The following RANBP2 variants were observed in gnomAD, a reference collection of about 807,000 sequenced individuals.
RANBP2 encodes RAN binding protein 2.
In RANBP2, 57 loss-of-function variants were observed where a neutral mutation model predicts 303.6. The observed-to-expected ratio is 0.19, with a 90% CI of 0.15 to 0.23. The LOEUF (loss-of-function observed/expected upper bound fraction) is 0.23. Among genes scored for constraint, RANBP2 ranks in the 10% least tolerant of loss-of-function variants. The pLI, the probability that RANBP2 is intolerant of heterozygous loss-of-function variation, is 1.00. For synonymous variants in RANBP2, 1,167 were observed against 1,301.5 expected (o/e 0.90, Z 2.23); for missense variants, 3,138 against 3,780.8 (o/e 0.83, Z 4.46).
At chr2:109,598,499 A>G in the RANBP2 span, among the ~76,000 whole-genome samples, 2 of 152,174 alleles carry the variant, frequency 1.3e-5, no homozygotes, top group African/African-American at 4.8e-5. Flanking sequence ...TCTTTAGGAT[A>G]ATGTGAGCGA....
the RANBP2 span, among the ~76,000 whole-genome samples, chr2:108,863,952 AATC>A: frequency 6.6e-6 from 1 of 152,184 alleles, no homozygotes; most frequent in South Asian, 2.1e-4. Context: ...AAAGTTACAT[AATC>A]ACTTTAATGA....
chr2:109,315,662 A>G, the RANBP2 span, among the ~76,000 whole-genome samples: 1 of 152,240 alleles, frequency 6.6e-6, no homozygotes, highest in Non-Finnish European at 1.5e-5. Flanking sequence ...CTTTCCTGGC[A>G]GTCTATAAAG....
Position 108,719,759 on chromosome 2 carries a change from C to G in RANBP2, c.72+81C>G, listed in dbSNP as rs1340477490. 1.7e-5 allele frequency: 26 copies of G among 1,541,438 alleles called. No homozygotes were observed. In the South Asian group the frequency reaches 1.9e-4, roughly 11 times the overall value. ...GCTGCTCAGGCGTCATGGCTCCCGA[C>G]GGGCGCTGCTCCCTGGCGCGCTCTG... is the stretch of plus-strand genomic sequence containing the variant. On this transcript the variant is annotated intron_variant, in intron 1 of 28. Transcript: ENST00000283195.
At chr2:109,020,045 T>C in the RANBP2 span, among the ~76,000 whole-genome samples, 3 of 152,194 alleles carry the variant, frequency 2.0e-5, no homozygotes, top group East Asian at 5.8e-4. Context: ...ACAACTCTGT[T>C]TGAACAGGTA....
chr2:109,038,992 A>T, the RANBP2 span, among the ~76,000 whole-genome samples: 46 of 152,352 alleles, frequency 3.0e-4, no homozygotes, highest in Admixed American at 1.9e-3. Context: ...GTTTGGTCAA[A>T]CACTAGTCCA....
chr2:108,777,083 A>G (rs1327212689), intron 24 of RANBP2, 47 bp from the exon 25 acceptor site: 5 of 1,543,992 alleles, frequency 3.2e-6, no homozygotes, highest in Admixed American at 1.7e-5. Context: ...AAGCTTTGAT[A>G]TTCAGCACAA....
the RANBP2 span, among the ~76,000 whole-genome samples, chr2:109,529,450 G>A: frequency 1.3e-5 from 2 of 152,114 alleles, no homozygotes; most frequent in African/African-American, 2.4e-5. Context: ...GGAGAAGCTC[G>A]GAGCCCAGCC....
the RANBP2 span, among the ~76,000 whole-genome samples, chr2:108,913,766 C>G: frequency 6.6e-6 from 1 of 151,812 alleles, no homozygotes; most frequent in Non-Finnish European, 1.5e-5. Context: ...CTGGCTAACA[C>G]AGGGAAACCC....
At position 108,781,269 on chromosome 2, in the gene RANBP2, A is replaced by G; in HGVS notation, c.8600A>G (p.Asp2867Gly). Residue 2867 changes from aspartate (D) to glycine (G), a missense_variant and splice_region_variant, in exon 26 of 29, where the codon GAT becomes GGT. Physicochemically the swap from Asp to Gly is moderately conservative, Grantham distance 94 (BLOSUM62 -1). Around this residue, in one of 20 missense-constraint regions of RANBP2, gnomAD observed 497 missense variants for 465.8 expected, o/e 1.07. Transcript: ENST00000283195. Reference protein sequence around the residue: ...NSGDFAFGSKDKNFQWANTGA... With the variant: ...NSGDFAFGSKGKNFQWANTGA... ...TTAAATATCCTGATTTATTCATCAGATAAAAATTTCCAATGGGCAAATACT... is the reference window on the plus strand; with the variant it reads ...TTAAATATCCTGATTTATTCATCAGGTAAAAATTTCCAATGGGCAAATACT... 1 of 1,614,164 alleles carries G rather than the reference A, an allele frequency of 6.2e-7. No homozygotes were observed. The highest frequency in any genetic ancestry group is 8.5e-7 in the Non-Finnish European group (1 of 1,180,002).
the RANBP2 span, among the ~76,000 whole-genome samples, chr2:109,485,916 A>G: frequency 6.6e-6 from 1 of 152,100 alleles, no homozygotes; most frequent in Non-Finnish European, 1.5e-5. Context: ...TCTCCTACAC[A>G]CCTACCAGCA....
intron 19 of RANBP2, among the ~76,000 whole-genome samples, chr2:108,762,522 T>TAA (rs1320305232): frequency 1.1e-5 from 1 of 88,614 alleles, no homozygotes; most frequent in African/African-American, 4.6e-5. Context: ...GCTATATATA[T>TAA]AACAATTGAT....
the RANBP2 span, among the ~76,000 whole-genome samples, chr2:108,905,998 G>C: frequency 6.8e-6 from 1 of 146,006 alleles, no homozygotes; most frequent in Admixed American, 6.6e-5. Context: ...TGGGGACACG[G>C]GAGGTCTGAG....
chr2:109,553,332 G>A, the RANBP2 span: 1 of 1,041,470 alleles, frequency 9.6e-7, no homozygotes, highest in Non-Finnish European at 1.4e-6. Context: ...ATCACCTAAG[G>A]TCAGGAGTCC....
At chr2:108,929,080 T>A in the RANBP2 span, 2 of 1,194,130 alleles carry the variant, frequency 1.7e-6, no homozygotes, top group Non-Finnish European at 2.4e-6. Context: ...AGGCCAGGTG[T>A]GCGGCTGCAC....
the RANBP2 span, among the ~76,000 whole-genome samples, chr2:109,724,344 T>C: frequency 1.3e-5 from 2 of 152,236 alleles, no homozygotes; most frequent in Non-Finnish European, 2.9e-5. Flanking sequence ...ATTGCATCTA[T>C]AAATTACTTT....
chr2:108,761,519 CAGAG>C (rs777347179), intron 18 of RANBP2, among the ~76,000 whole-genome samples: 1 of 152,158 alleles, frequency 6.6e-6, no homozygotes, highest in Non-Finnish European at 1.5e-5. Context: ...ACACACAAAA[CAGAG>C]GGAGCAGACA....
intron 6 of RANBP2, among the ~76,000 whole-genome samples, chr2:108,736,913 T>C (rs1430876358): frequency 6.6e-6 from 1 of 151,930 alleles, no homozygotes; most frequent in Non-Finnish European, 1.5e-5. Context: ...GTTTATGTAT[T>C]GTCTGTGGCT....
At chr2:109,450,709 G>A in the RANBP2 span, among the ~76,000 whole-genome samples, 5 of 152,056 alleles carry the variant, frequency 3.3e-5, no homozygotes, top group African/African-American at 1.2e-4. Context: ...AATCCAATAA[G>A]CAATTCTCCA....
the RANBP2 span, among the ~76,000 whole-genome samples, chr2:108,859,785 T>C: frequency 6.6e-6 from 1 of 152,160 alleles, no homozygotes; most frequent in South Asian, 2.1e-4. Flanking sequence ...CTGTTTGGGC[T>C]CATTCTTGGT....
Sources: allele counts gnomAD v4.1 joint callset (sites outside exome capture counted in the v4.1 genomes callset), GRCh38; gene constraint gnomAD v4.1.1; regional missense constraint gnomAD v4.1.1; transcripts MANE v1.5; gene names NCBI Gene and HGNC (gene_info 2026-07-23, HGNC 2026-07-21).